Variants in RERG observed in about 807,000 individuals in gnomAD.
RERG encodes the protein RAS like estrogen regulated growth inhibitor, also known as ras-related and estrogen-regulated growth inhibitor.
Under a neutral mutation model 23.2 loss-of-function variants are expected in RERG, and 25 were observed. That is an observed-to-expected ratio of 1.08 (90% CI 0.79 to 1.50). The LOEUF (loss-of-function observed/expected upper bound fraction) is 1.50, where lower values mean the gene tolerates loss of function less well. RERG is among the 40% of genes most tolerant of loss of function. The probability of loss-of-function intolerance (pLI) is 0.00; values close to 1 mark genes in which losing one functional copy is unlikely to be tolerated. For synonymous variants in RERG, 81 were observed against 89.1 expected (o/e 0.91, Z 0.51); for missense variants, 253 against 250.1 (o/e 1.01, Z -0.08).
chr12:15,192,483 CTTTTTA>C (rs1451036813), intron 2 of RERG, among the ~76,000 whole-genome samples: 1 of 151,924 alleles, frequency 6.6e-6, no homozygotes, highest in Non-Finnish European at 1.5e-5. Flanking sequence ...TATGCAATAC[CTTTTTA>C]TTTTGAGATA....
At chr12:15,143,200 C>G (rs76897634) in intron 2 of RERG, among the ~76,000 whole-genome samples, 2 of 151,832 alleles carry the variant, frequency 1.3e-5, no homozygotes, top group Non-Finnish European at 2.9e-5. Flanking sequence ...AAAGAAAATT[C>G]GACGGTAATT....
intron 2 of RERG, among the ~76,000 whole-genome samples, chr12:15,196,581 TG>T (rs1367794125): frequency 6.6e-6 from 1 of 152,086 alleles, no homozygotes; most frequent in Non-Finnish European, 1.5e-5. Flanking sequence ...AAAATATGCT[TG>T]GGGTCAACTC....
In RERG at chr12:15,186,053, GAGAA is replaced by G. The variant is rs575486328; in HGVS notation, c.61+31372_61+31375del. Among the ~76,000 whole-genome samples, 366 of 151,914 alleles carry G rather than the reference GAGAA, an allele frequency of 2.4e-3. 1 individual carries two copies. The highest frequency in any genetic ancestry group is 8.2e-3 in the African/African-American group (342 of 41,500). On this transcript the variant is annotated intron_variant, in intron 2 of 4. Transcript: ENST00000256953. ...AAAATATAACATCAAAAATTGAACT[GAGAA>G]AGCCTGGAAAACTGTTTTTCAATGA... is the stretch of plus-strand genomic sequence containing the variant.
chr12:15,177,501 A>G (rs1013565861), intron 2 of RERG, among the ~76,000 whole-genome samples: 11 of 152,152 alleles, frequency 7.2e-5, no homozygotes, highest in Non-Finnish European at 1.0e-4. Flanking sequence ...TCCCACTATA[A>G]TTTAGCCTTC....
At chr12:15,142,404 A>C (rs1430712190) in intron 2 of RERG, among the ~76,000 whole-genome samples, 1 of 152,254 alleles carries the variant, frequency 6.6e-6, no homozygotes, top group Non-Finnish European at 1.5e-5. Context: ...CAATGTTTCC[A>C]TGTAGCACAC....
At chr12:15,209,692 C>T (rs1213228076) in intron 2 of RERG, among the ~76,000 whole-genome samples, 1 of 152,148 alleles carries the variant, frequency 6.6e-6, no homozygotes, top group Non-Finnish European at 1.5e-5. Flanking sequence ...CTTATAAAAA[C>T]AAAATCCATC....
At chr12:15,166,541 G>A (rs1565526031) in intron 2 of RERG, among the ~76,000 whole-genome samples, 1 of 134,162 alleles carries the variant, frequency 7.5e-6, no homozygotes, top group African/African-American at 2.5e-5. Context: ...GGTGGTGGTG[G>A]TAGTGGTGTT....
At chr12:15,130,075 T>C (rs1370920911) in intron 2 of RERG, among the ~76,000 whole-genome samples, 1 of 152,216 alleles carries the variant, frequency 6.6e-6, no homozygotes, top group Non-Finnish European at 1.5e-5. Flanking sequence ...GAAAACATAA[T>C]GTAGAGAATT....
At position 15,158,662 on chromosome 12, in the gene RERG, G is replaced by A. The variant is rs187306947; in HGVS notation, c.62-37543C>T. On this transcript the variant is annotated intron_variant, in intron 2 of 4. Transcript: ENST00000256953. ...TTTTGAAGAGTACACAGTTTTTCAA[G>A]AGAGATAGACTAAAATGTCCCTCAG... Among the ~76,000 whole-genome samples, 609 of 152,206 alleles carry A rather than the reference G, an allele frequency of 4.0e-3. 4 individuals are homozygous for A. The highest frequency in any genetic ancestry group is 0.014 in the African/African-American group (580 of 41,518).
chr12:15,126,745 CA>C (rs1863952550), intron 2 of RERG, among the ~76,000 whole-genome samples: 1 of 71,628 alleles, frequency 1.4e-5, no homozygotes, highest in East Asian at 4.3e-4. Context: ...TTTTTTGAGA[CA>C]GAGTCTCGCT....
intron 4 of RERG, chr12:15,111,140 C>A: frequency 2.3e-6 from 1 of 442,124 alleles, no homozygotes; most frequent in Non-Finnish European, 4.0e-6. Context: ...TTCAAAACCC[C>A]CTTGAAACAC....
chr12:15,143,066 C>T (rs901452563), intron 2 of RERG, among the ~76,000 whole-genome samples: 7 of 152,172 alleles, frequency 4.6e-5, no homozygotes, highest in African/African-American at 1.4e-4. Flanking sequence ...TTGGTACATG[C>T]TGTCTGAAGC....
At position 15,107,895 on chromosome 12, in the gene RERG, A is replaced by G. The variant is rs1863525415; in HGVS notation, c.*1215T>C. The stretch of plus-strand genomic sequence containing the variant: ...ATGCCGCTAACGCTTACAAATTTTT[A>G]TACATATATCTATGCATTTATAAAT... On this transcript the variant is annotated 3_prime_UTR_variant, in exon 5 of 5. Transcript: ENST00000256953. 1 of 152,642 alleles carries G rather than the reference A, an allele frequency of 6.6e-6. No individual in the cohort carries two copies. Among genetic ancestry groups the G allele is most frequent in the South Asian group, 2.1e-4 (1 of 4,834 alleles). The allele number at this position is 152,642 out of a possible 1,614,324, so 9.5% of individuals were successfully genotyped here.
At chr12:15,156,118 C>T (rs1226588053) in intron 2 of RERG, among the ~76,000 whole-genome samples, 1 of 151,734 alleles carries the variant, frequency 6.6e-6, no homozygotes, top group East Asian at 1.9e-4. Flanking sequence ...TGGTCTTGAG[C>T]TTATTAATTA....
intron 2 of RERG, among the ~76,000 whole-genome samples, chr12:15,143,328 GTAAATATA>G (rs1565517459): frequency 3.6e-4 from 7 of 19,706 alleles, no homozygotes; most frequent in Non-Finnish European, 7.9e-4. Context: ...ACGTGTGTAT[GTAAATATA>G]TACATACACA....
intron 2 of RERG, among the ~76,000 whole-genome samples, chr12:15,140,723 C>T (rs982165413): frequency 4.0e-5 from 6 of 151,838 alleles, no homozygotes; most frequent in Admixed American, 1.3e-4. Flanking sequence ...TAAAATATTT[C>T]GCTCCACTCT....
At chr12:15,193,057 A>C (rs74357044) in intron 2 of RERG, among the ~76,000 whole-genome samples, 2,322 of 152,186 alleles carry the variant, frequency 0.015, 83 homozygotes, top group African/African-American at 0.054. Flanking sequence ...GGGGAGAACT[A>C]TGGGATTATG....
chr12:15,206,823 C>T lies in RERG; in HGVS notation c.61+10606G>A, dbSNP rs1318916010. Among the ~76,000 whole-genome samples the T allele has an allele frequency of 4.4e-4, 67 of 152,108 alleles. 1 individual carries two copies. The highest frequency in any genetic ancestry group is 4.4e-3 in the Admixed American group (67 of 15,264). On this transcript the variant is annotated intron_variant, in intron 2 of 4. Transcript: ENST00000256953. ...TAAATGCCTGGGAAATGAGTTTCTG[C>T]ATAGGATAGATATTTGGGCCAATAA...
chr12:15,140,499 G>C (rs11835226), intron 2 of RERG, among the ~76,000 whole-genome samples: 1 of 149,408 alleles, frequency 6.7e-6, no homozygotes. Flanking sequence ...TTTCTCTATT[G>C]TTTTTTCCCT....
Sources: gnomAD v4.1 joint callset for allele counts (sites outside exome capture counted in the v4.1 genomes callset) on GRCh38, gnomAD v4.1.1 for gene constraint, MANE v1.5 for transcripts, NCBI Gene and HGNC (gene_info 2026-07-23, HGNC 2026-07-21) for gene names.